The following CSMD3 variants were observed in gnomAD, a reference collection of about 807,000 sequenced individuals.
CSMD3 encodes the protein CUB and sushi domain-containing protein 3.
Under a neutral mutation model 435.2 loss-of-function variants are expected in CSMD3, and 177 were observed. The ratio of observed to expected loss-of-function variants is 0.41; its 90% confidence interval spans 0.36 to 0.46. CSMD3 has a LOEUF of 0.46. CSMD3 is among the 20% of genes least tolerant of loss of function. CSMD3 has a pLI of 0.34. For synonymous variants in CSMD3, 1,656 were observed against 1,520.5 expected (o/e 1.09, Z -2.07); for missense variants, 4,265 against 4,504.6 (o/e 0.95, Z 1.52).
intron 2 of CSMD3, among the ~76,000 whole-genome samples, chr8:113,307,404 T>C (rs2093830091): frequency 6.6e-6 from 1 of 152,060 alleles, no homozygotes; most frequent in Non-Finnish European, 1.5e-5. Context: ...GAATCACAGA[T>C]CTAAATATAA....
At chr8:112,781,799 A>G (rs1234937608) in intron 13 of CSMD3, among the ~76,000 whole-genome samples, 1 of 152,164 alleles carries the variant, frequency 6.6e-6, no homozygotes, top group African/African-American at 2.4e-5. Flanking sequence ...AATCCAGGGA[A>G]GTCTCCTGAA....
Position 113,290,032 on chromosome 8 carries a change from C to T in CSMD3, c.402-11328G>A, listed in dbSNP as rs539830774. On this transcript the variant is annotated intron_variant, in intron 2 of 70. Coordinates refer to ENST00000297405, the MANE Select transcript of CSMD3 (RefSeq NM_198123.2). ...AATGTGGTATTTTCTTTGTCAATTT[C>T]CTCCAGTAATTAGAGGGTTTGCACA... 7.9e-5 allele frequency among the ~76,000 whole-genome samples: 12 copies of T among 151,552 alleles called. No homozygotes were observed. The South Asian group carries it at 1.7e-3, about 21-fold the overall frequency.
chr8:112,851,740 G>C (rs2080495350), intron 11 of CSMD3, among the ~76,000 whole-genome samples: 1 of 151,732 alleles, frequency 6.6e-6, no homozygotes, highest in Non-Finnish European at 1.5e-5. Flanking sequence ...CTCCAGCCTG[G>C]GTGACAGAGC....
intron 3 of CSMD3, among the ~76,000 whole-genome samples, chr8:113,178,677 A>G (rs2092381871): frequency 6.6e-6 from 1 of 151,868 alleles, no homozygotes; most frequent in Non-Finnish European, 1.5e-5. Flanking sequence ...ATAAAAAGTT[A>G]GTTTTTGTTT....
intron 3 of CSMD3, among the ~76,000 whole-genome samples, chr8:113,222,792 T>C (rs1394781850): frequency 1.3e-5 from 2 of 151,104 alleles, no homozygotes; most frequent in Admixed American, 1.3e-4. Flanking sequence ...ATTTTTATAA[T>C]GATTCCCATG....
chr8:113,334,271 G>GT (rs1431651388), intron 1 of CSMD3, among the ~76,000 whole-genome samples: 1 of 114,362 alleles, frequency 8.7e-6, no homozygotes, highest in African/African-American at 3.4e-5. Context: ...ACTAGGGATA[G>GT]TTTAAGTTTT....
At chr8:112,396,956 T>C (rs1293732058) in intron 35 of CSMD3, among the ~76,000 whole-genome samples, 1 of 152,062 alleles carries the variant, frequency 6.6e-6, no homozygotes, top group Non-Finnish European at 1.5e-5. Context: ...AAATAAGAAA[T>C]TCAAAGACCT....
intron 5 of CSMD3, among the ~76,000 whole-genome samples, chr8:113,031,748 C>T (rs1205463232): frequency 6.6e-6 from 1 of 151,510 alleles, no homozygotes; most frequent in Non-Finnish European, 1.5e-5. Flanking sequence ...AAAAATGCTT[C>T]TCTTGGGGGA....
chr8:112,718,584 CACAAA>C (rs1175979459), intron 13 of CSMD3, among the ~76,000 whole-genome samples: 6 of 151,084 alleles, frequency 4.0e-5, no homozygotes, highest in South Asian at 2.1e-4. Context: ...AGAAAAGTAT[CACAAA>C]ACAAAACAAT....
At chr8:112,348,573 T>C (rs1825871692) in intron 40 of CSMD3, among the ~76,000 whole-genome samples, 1 of 151,944 alleles carries the variant, frequency 6.6e-6, no homozygotes, top group African/African-American at 2.4e-5. Flanking sequence ...TGTTCAAAAT[T>C]TATAAAATAC....
chr8:112,310,037 C>G (rs113183739), intron 50 of CSMD3, among the ~76,000 whole-genome samples: 4 of 152,044 alleles, frequency 2.6e-5, no homozygotes, highest in African/African-American at 9.6e-5. Flanking sequence ...TAGAGTTAAA[C>G]AAAATACAAA....
At chr8:112,593,606 G>C (rs1190549589) in intron 22 of CSMD3, among the ~76,000 whole-genome samples, 2 of 152,148 alleles carry the variant, frequency 1.3e-5, no homozygotes, top group African/African-American at 4.8e-5. Flanking sequence ...GGTTTATCCA[G>C]AGAATACACA....
chr8:113,287,493 G>T (rs1490661638), intron 2 of CSMD3, among the ~76,000 whole-genome samples: 1 of 151,948 alleles, frequency 6.6e-6, no homozygotes, highest in Non-Finnish European at 1.5e-5. Flanking sequence ...TAATATTAAA[G>T]AAAAATATGG....
intron 3 of CSMD3, among the ~76,000 whole-genome samples, chr8:113,254,498 A>G (rs1168839283): frequency 1.3e-5 from 2 of 152,202 alleles, no homozygotes; most frequent in Non-Finnish European, 2.9e-5. Flanking sequence ...TAGGGTAGGG[A>G]GGCCAGCTTC....
chr8:112,307,736 G>T (rs1821582604), intron 50 of CSMD3, among the ~76,000 whole-genome samples: 1 of 152,110 alleles, frequency 6.6e-6, no homozygotes, highest in Admixed American at 6.6e-5. Flanking sequence ...TATAAAATGA[G>T]AAAGCTTCTG....
chr8:112,374,485 C>T (rs1828756863), intron 38 of CSMD3, among the ~76,000 whole-genome samples: 1 of 152,046 alleles, frequency 6.6e-6, no homozygotes, highest in Admixed American at 6.6e-5. Context: ...TCAAGTGTAC[C>T]ATTTAGTAAG....
chr8:112,566,048 T>G (rs1269029605), intron 24 of CSMD3, among the ~76,000 whole-genome samples: 2 of 151,410 alleles, frequency 1.3e-5, no homozygotes, highest in Non-Finnish European at 1.5e-5. Flanking sequence ...CTCTTTTTTT[T>G]TTTTTTACTC....
rs140825193 is a variant in CSMD3 at position 113,098,857 on chromosome 8, T to C, written c.816A>G (p.Val272=). 23 of 1,612,166 alleles carry C rather than the reference T, an allele frequency of 1.4e-5. No homozygotes were observed. The African/African-American group carries it at 2.5e-4, about 18-fold the overall frequency. The change falls in exon 5 of 71, where the codon GTA becomes GTG. Residue 272 remains valine, a synonymous_variant. Coordinates refer to ENST00000297405, the MANE Select transcript of CSMD3 (RefSeq NM_198123.2). ...GTGAAATTGTGTCCCCAGGCTCTGC[T>C]ACAATGGTCCAAGTGCAATCAGCAT... is the stretch of plus-strand genomic sequence containing the variant. ...HNNADCTWTI[V]AEPGDTISLI...
intron 7 of CSMD3, among the ~76,000 whole-genome samples, chr8:112,962,739 T>A (rs935024500): frequency 1.3e-5 from 2 of 151,946 alleles, no homozygotes; most frequent in African/African-American, 4.8e-5. Context: ...ATTTCATGGC[T>A]ATTCAAAATG....
Sources: gnomAD v4.1 joint callset for allele counts (sites outside exome capture counted in the v4.1 genomes callset) on GRCh38, gnomAD v4.1.1 for gene constraint, MANE v1.5 for transcripts, NCBI Gene and HGNC (gene_info 2026-07-23, HGNC 2026-07-21) for gene names.